Variants in SLC7A14 observed in about 807,000 individuals in gnomAD.
The protein encoded by SLC7A14 is solute carrier family 7 member 14, also known as gamma-aminobutyric acid transporter SLC7A14.
In SLC7A14, 37 loss-of-function variants were observed where a neutral mutation model predicts 60.2. The observed-to-expected ratio is 0.61, with a 90% CI of 0.47 to 0.81. SLC7A14 has a LOEUF of 0.81. Ranked by LOEUF, SLC7A14 falls within the 30% of genes least tolerant of loss-of-function variation. SLC7A14 has a pLI of 0.00. For synonymous variants in SLC7A14, 399 were observed against 395.8 expected (o/e 1.01, Z -0.10); for missense variants, 886 against 982.7 (o/e 0.90, Z 1.32).
chr3:170,567,826 C>T (rs1714836339), intron 1 of SLC7A14, among the ~76,000 whole-genome samples: 1 of 151,602 alleles, frequency 6.6e-6, no homozygotes, highest in South Asian at 2.1e-4. Flanking sequence ...AGTGTCTGTT[C>T]ATGTCCTTTG....
At chr3:170,570,467 A>C (rs1308732003) in intron 1 of SLC7A14, 1 of 151,806 alleles carries the variant, frequency 6.6e-6, no homozygotes, top group Non-Finnish European at 1.5e-5. Flanking sequence ...AAATAAAATA[A>C]AATAAAATAA....
rs1712589378 is a variant in SLC7A14 at position 170,501,036 on chromosome 3, T to C, written c.541+73A>G. On this transcript the variant is annotated intron_variant, in intron 3 of 7. Transcript: ENST00000231706. ...TTTTGATACATTTTGCCAAATTGCT[T>C]TCTGAAAGGAGAACTCATTTATGTG... 6 of 1,484,530 alleles carry C rather than the reference T, an allele frequency of 4.0e-6. No individual in the cohort carries two copies. The East Asian group carries it at 1.4e-4, about 34-fold the overall frequency. The allele number at this position is 1,484,530 out of a possible 1,614,324, so 92.0% of individuals were successfully genotyped here.
At chr3:170,537,038 C>T (rs1713869388) in intron 1 of SLC7A14, among the ~76,000 whole-genome samples, 1 of 152,176 alleles carries the variant, frequency 6.6e-6, no homozygotes, top group Admixed American at 6.5e-5. Context: ...GGAAGCCTTT[C>T]TGGCAAAATA....
Position 170,583,990 on chromosome 3 carries a change from A to C in SLC7A14, c.-153+1921T>G, listed in dbSNP as rs191756294. On this transcript the variant is annotated intron_variant, in intron 1 of 7. Transcript: ENST00000231706. ...TATTCAGAGCCAAATACCAAAATGA[A>C]GGCATGAAAATGGCTTGGACTTTGA... 1.4e-3 allele frequency among the ~76,000 whole-genome samples: 207 copies of C among 152,360 alleles called. 2 individuals are homozygous for C. Among genetic ancestry groups the C allele is most frequent in the African/African-American group, 4.9e-3 (202 of 41,584 alleles).
chr3:170,530,048 G>A (rs777527358), intron 1 of SLC7A14, among the ~76,000 whole-genome samples: 13 of 152,192 alleles, frequency 8.5e-5, no homozygotes, highest in East Asian at 1.9e-4. Context: ...CACATGGACC[G>A]TGGTATTAGG....
intron 1 of SLC7A14, among the ~76,000 whole-genome samples, chr3:170,542,385 G>A (rs1448357718): frequency 6.6e-6 from 1 of 152,072 alleles, no homozygotes; most frequent in African/African-American, 2.4e-5. Flanking sequence ...CACAAAACTA[G>A]CAAGTAAAAG....
chr3:170,486,555 A>G (rs181416664), intron 4 of SLC7A14, among the ~76,000 whole-genome samples, 187 bp from the exon 5 acceptor site: 1 of 152,052 alleles, frequency 6.6e-6, no homozygotes, highest in East Asian at 1.9e-4. Flanking sequence ...GCTGTGGGCA[A>G]CTCTCTTATG....
intron 4 of SLC7A14, among the ~76,000 whole-genome samples, chr3:170,490,914 C>T (rs1226796009): frequency 6.6e-6 from 1 of 152,226 alleles, no homozygotes; most frequent in Non-Finnish European, 1.5e-5. Context: ...AATATTAGCT[C>T]TTACCACCAG....
intron 2 of SLC7A14, among the ~76,000 whole-genome samples, chr3:170,511,353 T>C (rs559903532): frequency 3.3e-4 from 50 of 151,408 alleles, no homozygotes; most frequent in African/African-American, 1.2e-3. Context: ...GCCGAGATCA[T>C]GCCATTGCAC....
At chr3:170,472,493 C>CGGT (rs1739943066) in intron 7 of SLC7A14, among the ~76,000 whole-genome samples, 1 of 151,960 alleles carries the variant, frequency 6.6e-6, no homozygotes, top group South Asian at 2.1e-4. Flanking sequence ...AGGCCGGGCA[C>CGGT]GGTGGCTCAC....
chr3:170,555,321 A>G (rs1248056473), intron 1 of SLC7A14, among the ~76,000 whole-genome samples: 1 of 152,090 alleles, frequency 6.6e-6, no homozygotes, highest in Non-Finnish European at 1.5e-5. Context: ...GGCCACTGTT[A>G]ACATTTTGGT....
At chr3:170,582,216 AAAG>A (rs1427453058) in intron 1 of SLC7A14, among the ~76,000 whole-genome samples, 2 of 152,112 alleles carry the variant, frequency 1.3e-5, no homozygotes, top group Non-Finnish European at 2.9e-5. Context: ...CAGAAGATTC[AAAG>A]AAGAGTAGGT....
In SLC7A14 at chr3:170,482,669, C is replaced by G. The variant is rs147490655; in HGVS notation, c.1115+645G>C. 3.8e-3 allele frequency among the ~76,000 whole-genome samples: 583 copies of G among 152,276 alleles called. 5 individuals carry two copies. Among genetic ancestry groups the G allele is most frequent in the African/African-American group, 0.013 (530 of 41,556 alleles). On this transcript the variant is annotated intron_variant, in intron 6 of 7. Transcript: ENST00000231706. ...TGGTTAAAAGTCTGATTTTTGGAGT[C>G]GGATGTTCTGGGATCAAATCCTGAC...
At chr3:170,504,089 T>C (rs770662329) in intron 2 of SLC7A14, among the ~76,000 whole-genome samples, 28 of 152,192 alleles carry the variant, frequency 1.8e-4, no homozygotes, top group Non-Finnish European at 3.1e-4. Context: ...ATCTTTCTGA[T>C]TTGTTTGTAT....
intron 1 of SLC7A14, among the ~76,000 whole-genome samples, chr3:170,547,642 G>A (rs1201941673): frequency 6.6e-6 from 1 of 152,152 alleles, no homozygotes; most frequent in African/African-American, 2.4e-5. Flanking sequence ...AGGAGGAAGA[G>A]GAGGGGTTGG....
intron 1 of SLC7A14, among the ~76,000 whole-genome samples, chr3:170,566,680 C>T (rs1714798034): frequency 6.6e-6 from 1 of 152,090 alleles, no homozygotes; most frequent in African/African-American, 2.4e-5. Flanking sequence ...TTAGTTCAGC[C>T]GTCAAGGCCC....
intron 1 of SLC7A14, among the ~76,000 whole-genome samples, chr3:170,554,876 T>C (rs1350123963): frequency 6.6e-6 from 1 of 152,130 alleles, no homozygotes; most frequent in African/African-American, 2.4e-5. Flanking sequence ...TTTAAAAAAA[T>C]ATTGCTTGTG....
chr3:170,466,954 G>A lies in SLC7A14; in HGVS notation c.*101C>T. 1.0e-6 allele frequency: 1 copy of A among 1,000,848 alleles called. No individual in the cohort carries two copies. Among genetic ancestry groups the A allele is most frequent in the Non-Finnish European group, 1.5e-6 (1 of 675,664 alleles). 62.0% of individuals were successfully genotyped at this position (1,000,848 alleles called of 1,614,324 possible). ...CTAGGGATTGAATTTGGGGAAGGCT[G>A]GATTTGTGAAATGAGAGCCAAAAAA... On this transcript the variant is annotated 3_prime_UTR_variant, in exon 8 of 8. Transcript: ENST00000231706.
chr3:170,513,925 A>G (rs569095820), intron 2 of SLC7A14, among the ~76,000 whole-genome samples: 1 of 152,328 alleles, frequency 6.6e-6, no homozygotes, highest in African/African-American at 2.4e-5. Context: ...TCCCTTGTGT[A>G]AGAATCTGTT....
Sources: gnomAD v4.1 joint callset for allele counts (sites outside exome capture counted in the v4.1 genomes callset) on GRCh38, gnomAD v4.1.1 for gene constraint, MANE v1.5 for transcripts, NCBI Gene and HGNC (gene_info 2026-07-23, HGNC 2026-07-21) for gene names.